SRRM4: variants seen among roughly 807,000 people sequenced by gnomAD.
The protein encoded by SRRM4 is serine/arginine repetitive matrix 4.
SRRM4 carries 33 observed loss-of-function variants against 68.9 expected under a neutral mutation model. The ratio of observed to expected loss-of-function variants is 0.48; its 90% CI spans 0.36 to 0.64. The LOEUF is 0.64. Ranked by LOEUF, SRRM4 falls within the 30% of genes least tolerant of loss-of-function variation. The pLI is 0.00. For missense variants in SRRM4, 817 were observed against 827.1 expected, an observed-to-expected ratio of 0.99 and a Z score of 0.15; for synonymous variants, 318 against 318.8, an observed-to-expected ratio of 1.00 and a Z score of 0.03.
At chr12:119,074,432 C>T (rs1429399639) in intron 1 of SRRM4, among the ~76,000 whole-genome samples, 2 of 152,086 alleles carry the variant, frequency 1.3e-5, no homozygotes, top group East Asian at 3.9e-4. Context: ...GATTATTGCC[C>T]AACTTAATAA....
intron 1 of SRRM4, among the ~76,000 whole-genome samples, chr12:119,097,303 C>A (rs568386658): frequency 2.0e-5 from 3 of 152,284 alleles, no homozygotes; most frequent in Admixed American, 1.3e-4. Context: ...TCCACTGCAG[C>A]GTTGAGTGAC....
intron 1 of SRRM4, among the ~76,000 whole-genome samples, chr12:119,077,287 G>A (rs946696213): frequency 1.3e-5 from 2 of 152,110 alleles, no homozygotes; most frequent in Admixed American, 1.3e-4. Flanking sequence ...TCTGATGTGG[G>A]CCCAGAAGTT....
intron 1 of SRRM4, among the ~76,000 whole-genome samples, chr12:119,080,616 G>A (rs1388760829): frequency 6.6e-6 from 1 of 152,162 alleles, no homozygotes; most frequent in East Asian, 1.9e-4. Context: ...TTGCACGTGG[G>A]AAAAACAGAA....
At position 119,110,301 on chromosome 12, in the gene SRRM4, C is replaced by A. The variant is rs553967558; in HGVS notation, c.279-3977C>A. 3.3e-5 allele frequency among the ~76,000 whole-genome samples: 5 copies of A among 152,288 alleles called. No individual in the cohort carries two copies. In the South Asian group the frequency reaches 1.0e-3, roughly 32 times the overall value. ...GACGCACTTGAGGAGGCAGTCTGTCCGTTTGCAGATCTCAAACTCTGTGCT... is the reference window on the plus strand; with the variant it reads ...GACGCACTTGAGGAGGCAGTCTGTCAGTTTGCAGATCTCAAACTCTGTGCT... On this transcript the variant is annotated intron_variant, in intron 2 of 12. Transcript: ENST00000267260.
At chr12:119,127,736 AAAAAG>A (rs112384039) in intron 7 of SRRM4, among the ~76,000 whole-genome samples, 2 of 143,058 alleles carry the variant, frequency 1.4e-5, no homozygotes, top group African/African-American at 2.6e-5. Context: ...CTCAAAAAAA[AAAAAG>A]AAAAGAAAAG....
intron 1 of SRRM4, among the ~76,000 whole-genome samples, chr12:119,089,291 T>C (rs1953999473): frequency 2.0e-5 from 3 of 152,212 alleles, no homozygotes. Flanking sequence ...ATCATGAAGC[T>C]GACTGCCTAA....
At chr12:119,052,605 C>T (rs1483018032) in intron 1 of SRRM4, among the ~76,000 whole-genome samples, 4 of 152,048 alleles carry the variant, frequency 2.6e-5, no homozygotes, top group African/African-American at 4.8e-5. Flanking sequence ...CTCGGCTCAC[C>T]GCAAGCTCCG....
intron 1 of SRRM4, among the ~76,000 whole-genome samples, chr12:118,999,312 G>C (rs1044555800): frequency 6.6e-6 from 1 of 152,148 alleles, no homozygotes; most frequent in African/African-American, 2.4e-5. Context: ...TGCTGCTGGG[G>C]CTCTGGAACT....
At chr12:119,134,735 G>A (rs144223473) in intron 8 of SRRM4, among the ~76,000 whole-genome samples, 1,736 of 152,262 alleles carry the variant, frequency 0.011, 20 homozygotes, top group Middle Eastern at 0.02. Flanking sequence ...TACCCACAAC[G>A]AACTAGTTAT....
Position 118,981,752 on chromosome 12 carries a change from G to C in SRRM4, c.-131G>C. Reference sequence around the variant, plus strand: ...CGTCCCATCCCCCGCCCTGAACTCCGATCTCTCCCACCCCACCCCTCTCTG... The same window carrying C: ...CGTCCCATCCCCCGCCCTGAACTCCCATCTCTCCCACCCCACCCCTCTCTG... On this transcript the variant is annotated 5_prime_UTR_variant, in exon 1 of 13. Transcript: ENST00000267260. 31 of 702,854 alleles carry C rather than the reference G, an allele frequency of 4.4e-5. No homozygotes were observed. Among genetic ancestry groups the C allele is most frequent in the East Asian group, 1.4e-4 (3 of 22,006 alleles). 43.5% of individuals were successfully genotyped at this position (702,854 alleles called of 1,614,324 possible).
intron 1 of SRRM4, among the ~76,000 whole-genome samples, chr12:119,029,574 G>T (rs983815030): frequency 1.3e-5 from 2 of 152,230 alleles, no homozygotes; most frequent in Non-Finnish European, 2.9e-5. Context: ...TCAAACAGAA[G>T]TGATCCTTGT....
intron 1 of SRRM4, among the ~76,000 whole-genome samples, chr12:119,075,748 G>A (rs1366161978): frequency 2.7e-5 from 4 of 149,160 alleles, no homozygotes; most frequent in Admixed American, 2.0e-4. Context: ...TGATGATGGT[G>A]GTAATGATGA....
intron 4 of SRRM4, among the ~76,000 whole-genome samples, chr12:119,119,982 A>C (rs1020278148): frequency 2.0e-5 from 3 of 152,068 alleles, no homozygotes; most frequent in South Asian, 2.1e-4. Context: ...TCTGAAATCT[A>C]AGAGAGGAGG....
chr12:119,005,245 G>C (rs1953409228), intron 1 of SRRM4, among the ~76,000 whole-genome samples: 1 of 152,178 alleles, frequency 6.6e-6, no homozygotes, highest in Non-Finnish European at 1.5e-5. Context: ...TGTCAAAACG[G>C]AAGGGGCCCC....
intron 1 of SRRM4, among the ~76,000 whole-genome samples, chr12:118,990,489 T>C (rs888013567): frequency 3.3e-5 from 5 of 152,226 alleles, no homozygotes; most frequent in Admixed American, 3.3e-4. Context: ...GTGTAAGTGA[T>C]GAAAGCAGGA....
rs145454341 is a variant in SRRM4 at position 119,041,512 on chromosome 12, C to T, written c.131+59499C>T. 7.2e-4 allele frequency among the ~76,000 whole-genome samples: 110 copies of T among 152,248 alleles called. 3 individuals carry two copies. In the East Asian group the frequency reaches 0.017, roughly 23 times the overall value. The stretch of plus-strand genomic sequence containing the variant: ...TGGCATTTCAATTTCAAGAATAACA[C>T]GATGAACCCTACAGGTTTAAATGAC... On this transcript the variant is annotated intron_variant, in intron 1 of 12. Transcript: ENST00000267260.
chr12:118,983,427 C>T (rs1953262741), intron 1 of SRRM4, among the ~76,000 whole-genome samples: 1 of 152,190 alleles, frequency 6.6e-6, no homozygotes. Context: ...ACAATAATAC[C>T]AAATGCCATT....
At chr12:119,062,478 T>C (rs1953820559) in intron 1 of SRRM4, among the ~76,000 whole-genome samples, 2 of 152,244 alleles carry the variant, frequency 1.3e-5, no homozygotes, top group African/African-American at 4.8e-5. Flanking sequence ...CTTTTCATTA[T>C]TTTACAGTAG....
chr12:119,028,817 C>T lies in SRRM4; in HGVS notation c.131+46804C>T, dbSNP rs761869175. ...AGGAGAGACTTTTTGGAAGAAAAGG[C>T]CTTGAAGGAAAATAAATTTGAATCG... On this transcript the variant is annotated intron_variant, in intron 1 of 12. Coordinates refer to ENST00000267260, the MANE Select transcript of SRRM4 (RefSeq NM_194286.4). Among the ~76,000 whole-genome samples the T allele has an allele frequency of 4.6e-5, 7 of 152,094 alleles. No homozygotes were observed. In the East Asian group the frequency reaches 1.2e-3, roughly 25 times the overall value.
Sources: gnomAD v4.1 joint callset for allele counts (sites outside exome capture counted in the v4.1 genomes callset) on GRCh38, gnomAD v4.1.1 for gene constraint, MANE v1.5 for transcripts, NCBI Gene and HGNC (gene_info 2026-07-23, HGNC 2026-07-21) for gene names.